TRIO: variants seen among roughly 807,000 people sequenced by gnomAD.
TRIO encodes triple functional domain protein.
TRIO carries 58 observed loss-of-function variants against 351.9 expected under a neutral mutation model. The observed-to-expected ratio is 0.16, with a 90% CI of 0.13 to 0.21. The LOEUF is 0.21. TRIO is among the 10% of genes least tolerant of loss of function. TRIO has a pLI of 1.00. For synonymous variants in TRIO, 1,758 were observed against 1,595.7 expected, an observed-to-expected ratio of 1.10 and a Z score of -2.42; for missense variants, 3,201 against 4,027.8, an observed-to-expected ratio of 0.79 and a Z score of 5.56.
chr5:14,311,668 A>T (rs898309674), intron 8 of TRIO, among the ~76,000 whole-genome samples: 5 of 152,176 alleles, frequency 3.3e-5, no homozygotes, highest in African/African-American at 1.2e-4. Flanking sequence ...CTTTATTAGA[A>T]CCTTGATATG....
At chr5:14,431,059 C>T (rs1751078127) in intron 34 of TRIO, among the ~76,000 whole-genome samples, 1 of 152,216 alleles carries the variant, frequency 6.6e-6, no homozygotes, top group Non-Finnish European at 1.5e-5. Flanking sequence ...ATCTAACTTC[C>T]TTCCTTCCTG....
chr5:14,412,438 C>T (rs939560584), intron 33 of TRIO, among the ~76,000 whole-genome samples: 2 of 152,194 alleles, frequency 1.3e-5, no homozygotes, highest in African/African-American at 4.8e-5. Context: ...GAAATATGGC[C>T]TAATTCACCA....
chr5:14,430,198 ATTTT>A (rs1264039298), intron 34 of TRIO, among the ~76,000 whole-genome samples: 1 of 123,454 alleles, frequency 8.1e-6, no homozygotes, highest in African/African-American at 3.3e-5. Context: ...TTTTTTTTTA[ATTTT>A]TTTACCCAAA....
chr5:14,251,640 G>T (rs535014631), intron 1 of TRIO, among the ~76,000 whole-genome samples: 1 of 152,284 alleles, frequency 6.6e-6, no homozygotes, highest in African/African-American at 2.4e-5. Context: ...TCACTGACTG[G>T]GTGCAGGGGG....
At chr5:14,391,395 T>G (rs1044042028) in intron 27 of TRIO, among the ~76,000 whole-genome samples, 1 of 152,252 alleles carries the variant, frequency 6.6e-6, no homozygotes, top group East Asian at 1.9e-4. Flanking sequence ...TGTGAATCTT[T>G]TTATTTTTCC....
intron 1 of TRIO, among the ~76,000 whole-genome samples, chr5:14,226,967 A>G (rs1200922713): frequency 7.4e-6 from 1 of 135,178 alleles, no homozygotes; most frequent in Non-Finnish European, 1.6e-5. Context: ...AGGGAGGAAC[A>G]CAATCTGAAG....
chr5:14,190,179 A>T (rs1293322267), intron 1 of TRIO, among the ~76,000 whole-genome samples: 1 of 152,142 alleles, frequency 6.6e-6, no homozygotes, highest in African/African-American at 2.4e-5. Flanking sequence ...AGAGAAATCT[A>T]TTCCAAAGGA....
intron 1 of TRIO, among the ~76,000 whole-genome samples, chr5:14,173,630 C>G (rs1789238178): frequency 6.6e-6 from 1 of 152,104 alleles, no homozygotes; most frequent in Non-Finnish European, 1.5e-5. Context: ...AGGCTACAGG[C>G]AATCAGGAAT....
intron 1 of TRIO, among the ~76,000 whole-genome samples, chr5:14,159,091 G>A (rs1030830177): frequency 2.0e-5 from 3 of 152,110 alleles, no homozygotes; most frequent in Non-Finnish European, 4.4e-5. Context: ...GGTGGAATCC[G>A]CCTGTGCTGG....
chr5:14,186,974 G>A (rs1202980728), intron 1 of TRIO, among the ~76,000 whole-genome samples: 2 of 152,158 alleles, frequency 1.3e-5, no homozygotes, highest in Admixed American at 6.5e-5. Flanking sequence ...GGTGGATAAC[G>A]TTATATTAAT....
At position 14,488,171 on chromosome 5, in the gene TRIO, C is replaced by T. The variant is rs766894115; in HGVS notation, c.7543C>T (p.Arg2515Cys). ...CGACTCCCTCCAGCGGCAGACACCC[C>T]GCCACGCGGCCCCTGGCAAGGATAC... ...DSDSLQRQTP[R>C]HAAPGKDTDR... The change falls in exon 48 of 57, where the codon CGC (arginine) becomes TGC (cysteine). Residue 2515 changes from arginine (R) to cysteine (C), a missense_variant. Around this residue, in one of 19 missense-constraint regions of TRIO, gnomAD observed 1,089 missense variants for 954.9 expected, o/e 1.14. Coordinates refer to ENST00000344204, the MANE Select transcript of TRIO (RefSeq NM_007118.4). 3 of 1,602,982 alleles carry T rather than the reference C, an allele frequency of 1.9e-6. No homozygotes were observed. The highest frequency in any genetic ancestry group is 8.5e-7 in the Non-Finnish European group (1 of 1,179,184).
At chr5:14,252,157 A>C (rs1388402866) in intron 1 of TRIO, among the ~76,000 whole-genome samples, 1 of 152,216 alleles carries the variant, frequency 6.6e-6, no homozygotes, top group African/African-American at 2.4e-5. Flanking sequence ...ATTAAAAATT[A>C]AGCATCTTTT....
chr5:14,436,415 G>A (rs1221834135), intron 34 of TRIO, among the ~76,000 whole-genome samples: 3 of 152,020 alleles, frequency 2.0e-5, no homozygotes. Context: ...ATGAGATTTG[G>A]GTGGGGACAC....
At chr5:14,395,988 G>T (rs1165847931) in intron 28 of TRIO, among the ~76,000 whole-genome samples, 3 of 146,360 alleles carry the variant, frequency 2.0e-5, no homozygotes, top group African/African-American at 7.7e-5. Flanking sequence ...AGAGCTTGCA[G>T]TGAGCCGAGA....
At chr5:14,273,638 T>C (rs776316893) in intron 2 of TRIO, among the ~76,000 whole-genome samples, 19 of 152,352 alleles carry the variant, frequency 1.2e-4, no homozygotes, top group Middle Eastern at 6.8e-3. Context: ...CCTTCAGCCA[T>C]ATGAGGACGC....
chr5:14,406,518 C>A (rs1748732019), intron 32 of TRIO, 55 bp from the exon 33 acceptor site: 3 of 1,552,740 alleles, frequency 1.9e-6, no homozygotes, highest in East Asian at 4.5e-5. Context: ...AGTTGCTTCT[C>A]CAGTGACTGC....
At position 14,488,100 on chromosome 5, in the gene TRIO, C is replaced by T. The variant is rs1345246762; in HGVS notation, c.7472C>T (p.Ala2491Val). 3 of 1,609,644 alleles carry T rather than the reference C, an allele frequency of 1.9e-6. No individual in the cohort carries two copies. The highest frequency in any genetic ancestry group is 2.2e-5 in the East Asian group (1 of 44,810). The change falls in exon 48 of 57, where the codon GCC becomes GTC. Residue 2491 changes from alanine to valine, a missense_variant. Transcript: ENST00000344204. ...KGGSFWSSIP[A>V]SPASRPGSFT... Reference sequence around the variant, plus strand: ...GGCTCCTTCTGGAGCTCCATCCCCGCCTCCCCCGCCAGCCGACCCGGCTCC... The same window carrying T: ...GGCTCCTTCTGGAGCTCCATCCCCGTCTCCCCCGCCAGCCGACCCGGCTCC...
At chr5:14,223,384 G>C (rs1792773223) in intron 1 of TRIO, among the ~76,000 whole-genome samples, 1 of 152,206 alleles carries the variant, frequency 6.6e-6, no homozygotes, top group Admixed American at 6.5e-5. Flanking sequence ...GGACACAGCA[G>C]ATCTCAGCGT....
intron 34 of TRIO, among the ~76,000 whole-genome samples, chr5:14,452,199 C>T (rs1752891828): frequency 2.0e-5 from 3 of 152,236 alleles, no homozygotes; most frequent in African/African-American, 7.2e-5. Context: ...CCTTCACAGC[C>T]CCAGCTCTTC....
Sources: allele counts gnomAD v4.1 joint callset (sites outside exome capture counted in the v4.1 genomes callset), GRCh38; gene constraint gnomAD v4.1.1; regional missense constraint gnomAD v4.1.1; transcripts MANE v1.5; gene names NCBI Gene and HGNC (gene_info 2026-07-23, HGNC 2026-07-21).